Variants in ANK2 observed in about 807,000 individuals in gnomAD.
ANK2 encodes the protein ankyrin 2, also known as ankyrin-2.
ANK2 carries 83 observed loss-of-function variants against 360.5 expected under a neutral mutation model. The observed-to-expected ratio is 0.23, with a 90% confidence interval of 0.19 to 0.28. ANK2 has a LOEUF of 0.28. ANK2 is among the 10% of genes least tolerant of loss of function. The probability of loss-of-function intolerance (pLI) is 1.00; values close to 1 mark genes in which losing one functional copy is unlikely to be tolerated. For missense variants in ANK2, 4,201 were observed against 4,795.7 expected (o/e 0.88, Z 3.66); for synonymous variants, 1,740 against 1,759.5 (o/e 0.99, Z 0.28).
chr4:112,767,649 G>A, the ANK2 span, among the ~76,000 whole-genome samples: 1 of 152,086 alleles, frequency 6.6e-6, no homozygotes, highest in Non-Finnish European at 1.5e-5. Flanking sequence ...TTGCCTATGG[G>A]GAAAGTGAAT....
intron 2 of ANK2, among the ~76,000 whole-genome samples, chr4:113,183,165 G>GT (rs1319165348): frequency 1.3e-5 from 2 of 152,104 alleles, no homozygotes; most frequent in Non-Finnish European, 2.9e-5. Flanking sequence ...AATTGCTTCT[G>GT]TTTTTTTCAG....
At chr4:112,731,165 A>G in the ANK2 span, among the ~76,000 whole-genome samples, 30 of 151,154 alleles carry the variant, frequency 2.0e-4, no homozygotes, top group African/African-American at 6.8e-4. Context: ...GTGGTGCACA[A>G]CTGTAGTCCC....
intron 4 of ANK2, chr4:113,214,525 G>C: frequency 1.7e-6 from 1 of 584,436 alleles, no homozygotes; most frequent in Non-Finnish European, 3.0e-6. Context: ...AATTTATTAA[G>C]AGCCTGTTGC....
At chr4:112,915,758 A>AAT (rs2089554295) in intron 2 of ANK2, among the ~76,000 whole-genome samples, 1 of 150,922 alleles carries the variant, frequency 6.6e-6, no homozygotes, top group African/African-American at 2.5e-5. Flanking sequence ...CTGTTTCAAA[A>AAT]AAAAAATAAA....
At chr4:112,894,008 C>G (rs1363857329) in intron 1 of ANK2, among the ~76,000 whole-genome samples, 2 of 152,162 alleles carry the variant, frequency 1.3e-5, no homozygotes, top group South Asian at 2.1e-4. Flanking sequence ...AAAAACAAAA[C>G]AAAACAAAAG....
chr4:113,346,124 T>TGTTTTTGCCATTAC, intron 35 of ANK2, 102 bp downstream of exon 35: 1 of 1,358,458 alleles, frequency 7.4e-7, no homozygotes, highest in Non-Finnish European at 1.0e-6. Flanking sequence ...CAGCAATTGC[T>TGTTTTTGCCATTAC]TTTGCACTGA....
At chr4:113,363,583 C>A in intron 40 of ANK2, 114 bp downstream of exon 40, 1 of 1,129,416 alleles carries the variant, frequency 8.9e-7, no homozygotes, top group Non-Finnish European at 1.3e-6. Flanking sequence ...ATCTGCAGTA[C>A]AGTGGGTCCT....
the ANK2 span, among the ~76,000 whole-genome samples, chr4:112,772,100 T>C: frequency 2.0e-4 from 31 of 152,258 alleles, no homozygotes; most frequent in East Asian, 5.8e-3. Flanking sequence ...AAGGTGTCTA[T>C]ATTAGTCCAT....
At chr4:113,249,943 A>G in intron 10 of ANK2, 81 bp downstream of exon 10, 1 of 1,277,264 alleles carries the variant, frequency 7.8e-7, no homozygotes, top group Non-Finnish European at 1.1e-6. Context: ...TTTAAATTGA[A>G]ACATCAGGCA....
intron 1 of ANK2, among the ~76,000 whole-genome samples, chr4:112,854,386 AGAG>A (rs1231377585): frequency 2.0e-5 from 3 of 152,208 alleles, no homozygotes; most frequent in Admixed American, 2.0e-4. Flanking sequence ...GGTGCATGGT[AGAG>A]GAGGACACTG....
intron 2 of ANK2, among the ~76,000 whole-genome samples, chr4:112,945,602 C>T (rs2094495444): frequency 6.6e-6 from 1 of 152,042 alleles, no homozygotes; most frequent in Admixed American, 6.5e-5. Context: ...TCCACATAAT[C>T]CCTGCAAAAA....
chr4:113,333,135 G>C lies in ANK2; in HGVS notation c.3306G>C (p.Gly1102=), dbSNP rs2153942826. The change falls in exon 29 of 46, where the codon GGG becomes GGC. Residue 1102 remains glycine, a synonymous_variant. Transcript: ENST00000357077. The part of the protein sequence containing the change: ...RELVVLRSEN[G]DSWKEHFCDY... ...TGGTGGTCCTGCGCAGTGAGAATGG[G>C]GACAGCTGGAAAGAGCATTTCTGTG... 1 of 1,614,188 alleles carries C rather than the reference G, an allele frequency of 6.2e-7. No individual in the cohort carries two copies. The highest frequency in any genetic ancestry group is 8.5e-7 in the Non-Finnish European group (1 of 1,180,036).
At chr4:113,171,098 G>T (rs2097925132) in intron 1 of ANK2, among the ~76,000 whole-genome samples, 1 of 152,104 alleles carries the variant, frequency 6.6e-6, no homozygotes, top group African/African-American at 2.4e-5. Context: ...AAATCTCCTG[G>T]TTGAGCAAAG....
chr4:112,894,358 A>C (rs139059982), intron 1 of ANK2, among the ~76,000 whole-genome samples: 16 of 152,172 alleles, frequency 1.1e-4, no homozygotes, highest in African/African-American at 3.9e-4. Context: ...GGAGATTAAA[A>C]TTATTGATTG....
At chr4:112,810,414 G>A in the ANK2 span, among the ~76,000 whole-genome samples, 1 of 151,944 alleles carries the variant, frequency 6.6e-6, no homozygotes. Context: ...GATTTCCTCT[G>A]TTGGCCCCAG....
At chr4:113,000,111 A>G (rs923268585) in intron 2 of ANK2, among the ~76,000 whole-genome samples, 1 of 152,222 alleles carries the variant, frequency 6.6e-6, no homozygotes, top group Admixed American at 6.5e-5. Context: ...GGGCTTATAT[A>G]CCATTTTAAC....
At chr4:113,242,559 T>A (rs1402529328) in intron 9 of ANK2, among the ~76,000 whole-genome samples, 1 of 152,208 alleles carries the variant, frequency 6.6e-6, no homozygotes, top group Non-Finnish European at 1.5e-5. Flanking sequence ...TACATTAAGA[T>A]TGAGAATGTG....
intron 9 of ANK2, among the ~76,000 whole-genome samples, chr4:113,243,446 A>G (rs1463844407): frequency 6.6e-6 from 1 of 152,168 alleles, no homozygotes; most frequent in Non-Finnish European, 1.5e-5. Flanking sequence ...TATGGTTTTT[A>G]ATGACCTCAG....
At chr4:112,808,771 T>C in the ANK2 span, among the ~76,000 whole-genome samples, 1 of 152,202 alleles carries the variant, frequency 6.6e-6, no homozygotes, top group Non-Finnish European at 1.5e-5. Context: ...GACAAATCAA[T>C]GGAATAGTTA....
Sources: allele counts gnomAD v4.1 joint callset (sites outside exome capture counted in the v4.1 genomes callset), GRCh38; gene constraint gnomAD v4.1.1; transcripts MANE v1.5; gene names NCBI Gene and HGNC (gene_info 2026-07-23, HGNC 2026-07-21).